EXTL3: variants seen among roughly 807,000 people sequenced by gnomAD.
EXTL3 encodes exostosin-like 3.
In EXTL3, 27 loss-of-function variants were observed where a neutral mutation model predicts 69.3. The ratio of observed to expected loss-of-function variants is 0.39; its 90% confidence interval spans 0.29 to 0.54. The LOEUF (loss-of-function observed/expected upper bound fraction) is 0.54. Ranked by LOEUF, EXTL3 falls within the 20% of genes least tolerant of loss-of-function variation. The pLI is 0.69. For missense variants in EXTL3, 1,003 were observed against 1,231.8 expected (o/e 0.81, Z 2.78); for synonymous variants, 511 against 499.4 (o/e 1.02, Z -0.31).
Position 28,751,190 on chromosome 8 carries a change from A to G in EXTL3, c.*324A>G. The G allele has an allele frequency of 2.8e-6, 1 of 354,724 alleles. No individual in the cohort carries two copies. The highest frequency in any genetic ancestry group is 5.3e-6 in the Non-Finnish European group (1 of 189,812). 22.0% of individuals were successfully genotyped at this position (354,724 alleles called of 1,614,324 possible). On this transcript the variant is annotated 3_prime_UTR_variant, in exon 7 of 7. Coordinates refer to ENST00000220562, the MANE Select transcript of EXTL3 (RefSeq NM_001440.4). ...TGGTTCGTGGTTTTTACATTCAATAACAACTATTATGATTATTTAAAAAGA... is the reference window on the plus strand; with the variant it reads ...TGGTTCGTGGTTTTTACATTCAATAGCAACTATTATGATTATTTAAAAAGA...
At chr8:28,726,795 G>A (rs1335774701) in intron 3 of EXTL3, among the ~76,000 whole-genome samples, 1 of 151,668 alleles carries the variant, frequency 6.6e-6, no homozygotes, top group Non-Finnish European at 1.5e-5. Context: ...CTGACTTACT[G>A]ACTGCAGTTA....
chr8:28,647,136 C>T (rs1806844267), intron 1 of EXTL3, among the ~76,000 whole-genome samples: 1 of 149,078 alleles, frequency 6.7e-6, no homozygotes, highest in Admixed American at 6.7e-5. Flanking sequence ...CGGAGTTTTG[C>T]TCTTGTCGTC....
At chr8:28,700,106 C>CA (rs1440028458), upstream of EXTL3, 1 of 151,930 alleles carries the variant, frequency 6.6e-6, no homozygotes, top group African/African-American at 2.4e-5. Context: ...TCATTTCCTG[C>CA]AATACTTCTG....
intron 1 of EXTL3, among the ~76,000 whole-genome samples, chr8:28,691,430 T>A (rs912718496): frequency 1.1e-4 from 16 of 152,198 alleles, no homozygotes; most frequent in African/African-American, 3.6e-4. Flanking sequence ...GTGAAGATCA[T>A]GTAGAAACAT....
chr8:28,648,654 C>A (rs960230822), intron 1 of EXTL3, among the ~76,000 whole-genome samples: 48 of 149,182 alleles, frequency 3.2e-4, no homozygotes, highest in East Asian at 2.1e-4. Context: ...GAGGCCACTA[C>A]TGTCCTGAGT....
intron 1 of EXTL3, among the ~76,000 whole-genome samples, chr8:28,650,442 C>G (rs1295324786): frequency 6.6e-6 from 1 of 151,980 alleles, no homozygotes; most frequent in Non-Finnish European, 1.5e-5. Context: ...ACTGCAACCT[C>G]TGCCTCCTGG....
At chr8:28,676,873 C>T (rs780081308) in intron 1 of EXTL3, among the ~76,000 whole-genome samples, 7 of 152,102 alleles carry the variant, frequency 4.6e-5, no homozygotes, top group Non-Finnish European at 8.8e-5. Flanking sequence ...CACAGAGATT[C>T]GGATTCAGTA....
At chr8:28,634,367 C>T (rs756763287) in intron 1 of EXTL3, among the ~76,000 whole-genome samples, 5 of 152,098 alleles carry the variant, frequency 3.3e-5, no homozygotes, top group Admixed American at 6.5e-5. Context: ...CGCTCCCTAC[C>T]CCCGGCTCTA....
At chr8:28,720,040 G>T (rs553705022) in intron 3 of EXTL3, among the ~76,000 whole-genome samples, 6 of 151,830 alleles carry the variant, frequency 4.0e-5, no homozygotes, top group Non-Finnish European at 8.8e-5. Context: ...TTTTTTTTCT[G>T]GTCCTTTTAA....
intron 1 of EXTL3, among the ~76,000 whole-genome samples, chr8:28,670,017 T>C (rs1277448271): frequency 6.6e-6 from 1 of 151,984 alleles, no homozygotes; most frequent in Non-Finnish European, 1.5e-5. Context: ...GAGAGCAACC[T>C]GGGCAACATG....
intron 5 of EXTL3, 93 bp from the exon 6 acceptor site, chr8:28,742,993 C>T: frequency 7.0e-7 from 1 of 1,433,930 alleles, no homozygotes; most frequent in Non-Finnish European, 9.8e-7. Flanking sequence ...ACTGCCACAC[C>T]CAAACAGCCC....
upstream of EXTL3, chr8:28,700,330 A>T (rs1317715776): frequency 1.3e-5 from 2 of 152,242 alleles, no homozygotes; most frequent in Non-Finnish European, 2.9e-5. Context: ...GGGTGGAGAG[A>T]TGAAGAGTGT....
chr8:28,705,846 C>T (rs1005051092), intron 1 of EXTL3, among the ~76,000 whole-genome samples: 4 of 152,234 alleles, frequency 2.6e-5, no homozygotes, highest in South Asian at 2.1e-4. Flanking sequence ...ATGAAAATGA[C>T]GCATCTCATT....
chr8:28,676,742 G>A (rs905854075), intron 1 of EXTL3, among the ~76,000 whole-genome samples: 5 of 152,172 alleles, frequency 3.3e-5, no homozygotes, highest in African/African-American at 1.2e-4. Flanking sequence ...ACCTTAAAGG[G>A]ACAGAGGAAG....
At chr8:28,726,934 A>C (rs1801427362) in intron 3 of EXTL3, among the ~76,000 whole-genome samples, 1 of 133,950 alleles carries the variant, frequency 7.5e-6, no homozygotes, top group African/African-American at 2.9e-5. Context: ...CGTGGAGTGC[A>C]GTGGTGCAAT....
At chr8:28,635,392 T>TAAAAAAAA (rs372980960) in intron 1 of EXTL3, among the ~76,000 whole-genome samples, 5 of 114,438 alleles carry the variant, frequency 4.4e-5, no homozygotes, top group African/African-American at 1.7e-4. Context: ...ACTGGTCTCT[T>TAAAAAAAA]AAAAAAAAAA....
chr8:28,729,086 A>G (rs992431772), intron 3 of EXTL3, among the ~76,000 whole-genome samples: 6 of 151,760 alleles, frequency 4.0e-5, no homozygotes, highest in Non-Finnish European at 5.9e-5. Context: ...CCATGAGATC[A>G]GGAGTTCGAG....
intron 3 of EXTL3, among the ~76,000 whole-genome samples, chr8:28,727,837 C>G (rs1313027073): frequency 1.3e-5 from 2 of 152,168 alleles, no homozygotes; most frequent in Non-Finnish European, 2.9e-5. Flanking sequence ...TGGGGTGTGC[C>G]TGCACTCCTA....
At chr8:28,738,332 G>A (rs546378150) in intron 5 of EXTL3, among the ~76,000 whole-genome samples, 1 of 152,316 alleles carries the variant, frequency 6.6e-6, no homozygotes, top group Non-Finnish European at 1.5e-5. Flanking sequence ...GCTGTTCAGT[G>A]TAAAGTGCAC....
Sources: gnomAD v4.1 joint callset for allele counts (sites outside exome capture counted in the v4.1 genomes callset) on GRCh38, gnomAD v4.1.1 for gene constraint, MANE v1.5 for transcripts, NCBI Gene and HGNC (gene_info 2026-07-23, HGNC 2026-07-21) for gene names.